The following ZNF678 variants were observed in gnomAD, a reference collection of about 807,000 sequenced individuals.
ZNF678 encodes zinc finger protein 678, also known as hypothetical protein MGC42493.
In ZNF678, 5 loss-of-function variants were observed where a neutral mutation model predicts 3.0. The observed-to-expected ratio is 1.69, with a 90% CI of 0.88 to 3.56. The LOEUF is 3.56. Among genes scored for constraint, ZNF678 ranks in the 30% most tolerant of loss-of-function variants. The pLI is 0.00. For synonymous variants in ZNF678, 218 were observed against 199.6 expected (o/e 1.09, Z -0.78); for missense variants, 593 against 605.0 (o/e 0.98, Z 0.21).
chr1:227,573,976 A>C (rs1292851413), intron 1 of ZNF678, among the ~76,000 whole-genome samples: 1 of 152,158 alleles, frequency 6.6e-6, no homozygotes, highest in African/African-American at 2.4e-5. Context: ...CTTCACCTCC[A>C]ATCAGGTTCC....
chr1:227,573,125 G>C (rs1656897636), intron 1 of ZNF678, among the ~76,000 whole-genome samples: 1 of 141,018 alleles, frequency 7.1e-6, no homozygotes, highest in Non-Finnish European at 1.6e-5. Flanking sequence ...AGGCAATCAG[G>C]GAGTGGAAAC....
intron 1 of ZNF678, among the ~76,000 whole-genome samples, chr1:227,599,488 ATAC>A (rs1657679826): frequency 6.6e-6 from 1 of 152,226 alleles, no homozygotes; most frequent in South Asian, 2.1e-4. Flanking sequence ...TGACTGAGTT[ATAC>A]TTTTTTTTAA....
At chr1:227,597,686 G>C (rs1369934491) in intron 1 of ZNF678, among the ~76,000 whole-genome samples, 8 of 152,058 alleles carry the variant, frequency 5.3e-5, no homozygotes, top group Non-Finnish European at 1.2e-4. Flanking sequence ...ACTCAAAGCA[G>C]CATATGACAG....
rs1474032618 is a variant in ZNF678 at position 227,662,234 on chromosome 1, G to T, written c.*6406G>T. 1 of 152,190 alleles carries T rather than the reference G, an allele frequency of 6.6e-6. No homozygotes were observed. The highest frequency in any genetic ancestry group is 2.4e-5 in the African/African-American group (1 of 41,456). The allele number at this position is 152,190 out of a possible 1,614,324, so 9.4% of individuals were successfully genotyped here. Reference sequence around the variant, plus strand: ...GTGAATCCTGAAAAACATCCTCATTGTAGAGATGAGAAAACACAGGCTTTT... The same window carrying T: ...GTGAATCCTGAAAAACATCCTCATTTTAGAGATGAGAAAACACAGGCTTTT... On this transcript the variant is annotated 3_prime_UTR_variant, in exon 4 of 4. Transcript: ENST00000343776.
intron 1 of ZNF678, among the ~76,000 whole-genome samples, chr1:227,570,321 A>G (rs1423921223): frequency 6.6e-6 from 1 of 152,184 alleles, no homozygotes; most frequent in Non-Finnish European, 1.5e-5. Context: ...TTAGCCATTC[A>G]GTATTTCTTG....
At chr1:227,617,411 A>G (rs547593288) in intron 1 of ZNF678, among the ~76,000 whole-genome samples, 5 of 152,344 alleles carry the variant, frequency 3.3e-5, no homozygotes, top group East Asian at 1.9e-4. Flanking sequence ...GGCAGTACCT[A>G]TACCGTCATG....
At chr1:227,608,700 C>T (rs2102757698) in intron 1 of ZNF678, among the ~76,000 whole-genome samples, 1 of 152,232 alleles carries the variant, frequency 6.6e-6, no homozygotes, top group East Asian at 1.9e-4. Flanking sequence ...CAAGTTTCTT[C>T]TAAGGCAACA....
chr1:227,599,174 G>A (rs186360468), intron 1 of ZNF678: 1 of 1,188,944 alleles, frequency 8.4e-7, no homozygotes, highest in Non-Finnish European at 1.2e-6. Flanking sequence ...TCATTTTCTT[G>A]TTCAAATAAC....
chr1:227,628,530 A>G (rs894413855), intron 1 of ZNF678, among the ~76,000 whole-genome samples: 1 of 152,114 alleles, frequency 6.6e-6, no homozygotes, highest in African/African-American at 2.4e-5. Context: ...GAACCCTCTT[A>G]ATTGCTTCAG....
Position 227,655,321 on chromosome 1 carries a change from C to A in ZNF678, c.1071C>A (p.Thr357=), listed in dbSNP as rs1290437402. ...ACAAATGTGAAGAATGTGGCAGAAC[C>A]TTTACTCAATTCTCAAACCTCACTC... ...KPYKCEECGR[T]FTQFSNLTQH... Residue 357 remains threonine (T), a synonymous_variant, in exon 4 of 4, where the codon ACC becomes ACA. Transcript: ENST00000343776. 2 of 1,607,446 alleles carry A rather than the reference C, an allele frequency of 1.2e-6. No homozygotes were observed. Among genetic ancestry groups the A allele is most frequent in the South Asian group, 1.1e-5 (1 of 90,588 alleles).
intron 1 of ZNF678, among the ~76,000 whole-genome samples, chr1:227,639,191 A>G (rs1658756010): frequency 6.6e-6 from 1 of 152,110 alleles, no homozygotes; most frequent in Non-Finnish European, 1.5e-5. Context: ...GGGTTTGGGC[A>G]TTGTCTGGGC....
rs190769108 is a variant in ZNF678 at position 227,587,044 on chromosome 1, G to T, written c.-164+23320G>T. On this transcript the variant is annotated intron_variant, in intron 1 of 3. Coordinates refer to ENST00000343776, the MANE Select transcript of ZNF678 (RefSeq NM_001367909.1). ...TAACAGTGCATTCAATTCAATTTGGGTTGGGAGAAGCTAGGCCTCAATATT... is the reference window on the plus strand; with the variant it reads ...TAACAGTGCATTCAATTCAATTTGGTTTGGGAGAAGCTAGGCCTCAATATT... Among the ~76,000 whole-genome samples the T allele has an allele frequency of 6.6e-5, 10 of 152,338 alleles. No individual in the cohort carries two copies. In the East Asian group the frequency reaches 1.7e-3, roughly 26 times the overall value.
At chr1:227,591,938 C>T (rs989372061) in intron 1 of ZNF678, among the ~76,000 whole-genome samples, 4 of 152,104 alleles carry the variant, frequency 2.6e-5, no homozygotes, top group East Asian at 1.9e-4. Context: ...ATGCTTCAGC[C>T]GTGCGTGGAC....
chr1:227,606,145 C>T (rs1229750524), intron 1 of ZNF678, among the ~76,000 whole-genome samples: 1 of 152,198 alleles, frequency 6.6e-6, no homozygotes, highest in Non-Finnish European at 1.5e-5. Context: ...GACTGGCACA[C>T]TCAGCATGCA....
At chr1:227,593,868 T>TC (rs1491347878) in intron 1 of ZNF678, among the ~76,000 whole-genome samples, 1 of 8,718 alleles carries the variant, frequency 1.1e-4, no homozygotes, top group African/African-American at 1.4e-3. Context: ...CCCCCCCCCC[T>TC]TTTTTTTTTT....
intron 1 of ZNF678, among the ~76,000 whole-genome samples, chr1:227,621,341 G>A (rs1658276130): frequency 6.6e-6 from 1 of 152,232 alleles, no homozygotes; most frequent in Non-Finnish European, 1.5e-5. Context: ...GTAGGCATAA[G>A]TACCCCAAGC....
chr1:227,654,193 A>T, intron 3 of ZNF678, 143 bp from the exon 4 acceptor site: 1 of 693,776 alleles, frequency 1.4e-6, no homozygotes, highest in Non-Finnish European at 2.1e-6. Flanking sequence ...TTAAGTTTAT[A>T]TGTTCAAAAA....
At position 227,654,378 on chromosome 1, in the gene ZNF678, A is replaced by T. The variant is rs1286141003; in HGVS notation, c.128A>T (p.Asp43Val). Residue 43 changes from aspartate (D) to valine (V), a missense_variant, in exon 4 of 4, where the codon GAT becomes GTT. By Grantham distance (152) the Asp-to-Val change is radical. Transcript: ENST00000343776. Reference protein sequence around the residue: ...YSIQDLLPEQDMKDLCQKVTL... With the variant: ...YSIQDLLPEQVMKDLCQKVTL... The stretch of plus-strand genomic sequence containing the variant: ...ATTCAAGACCTTTTGCCAGAGCAGG[A>T]TATGAAAGATTTATGCCAAAAAGTG... The T allele has an allele frequency of 1.3e-6, 2 of 1,599,344 alleles. No homozygotes were observed. The highest frequency in any genetic ancestry group is 2.7e-5 in the African/African-American group (2 of 74,160).
intron 1 of ZNF678, among the ~76,000 whole-genome samples, chr1:227,613,551 C>T (rs1294065409): frequency 6.6e-6 from 1 of 152,168 alleles, no homozygotes; most frequent in East Asian, 1.9e-4. Context: ...AAAAATGACT[C>T]CAGAATCAAC....
Sources: gnomAD v4.1 joint callset for allele counts (sites outside exome capture counted in the v4.1 genomes callset) on GRCh38, gnomAD v4.1.1 for gene constraint, MANE v1.5 for transcripts, NCBI Gene and HGNC (gene_info 2026-07-23, HGNC 2026-07-21) for gene names.